IPO11: variants seen among roughly 807,000 people sequenced by gnomAD.
The protein encoded by IPO11 is importin 11, also known as importin-11.
In IPO11, 66 loss-of-function variants were observed where a neutral mutation model predicts 143.2. That is an observed-to-expected ratio of 0.46 (90% CI 0.38 to 0.57). The LOEUF (loss-of-function observed/expected upper bound fraction) is 0.57, where lower values mean the gene tolerates loss of function less well. IPO11 is among the 20% of genes least tolerant of loss of function. The pLI, the probability that IPO11 is intolerant of heterozygous loss-of-function variation, is 0.00. For missense variants in IPO11, 1,026 were observed against 1,141.0 expected, an observed-to-expected ratio of 0.90 and a Z score of 1.45; for synonymous variants, 385 against 377.8, an observed-to-expected ratio of 1.02 and a Z score of -0.22.
At chr5:62,562,230 A>T (rs941605582) in intron 27 of IPO11, 4 of 151,880 alleles carry the variant, frequency 2.6e-5, no homozygotes, top group African/African-American at 4.8e-5. Context: ...CTGGGCCCCT[A>T]TTTTTTTGTA....
rs1227727656 is a variant in IPO11, at chr5:62,551,224, G to A, written c.2348G>A (p.Arg783Lys). 2 of 1,550,760 alleles carry A rather than the reference G, an allele frequency of 1.3e-6. No individual in the cohort carries two copies. Among genetic ancestry groups the A allele is most frequent in the South Asian group, 2.2e-5 (2 of 88,908 alleles). Reference protein sequence around the residue: ...YVFKGIIEGERYPVVMSTYLG... With the variant: ...YVFKGIIEGEKYPVVMSTYLG... ...ATGTGTTGTATTTTAATTGTACAGA[G>A]GTATCCTGTAGTGATGTCCACGTAT... The change falls in exon 26 of 30, where the codon AGG becomes AAG. Residue 783 changes from arginine (R) to lysine (K), a missense_variant and splice_region_variant. By Grantham distance (26) the Arg-to-Lys change is conservative (BLOSUM62 2). Around this residue, in one of 5 missense-constraint regions of IPO11, gnomAD observed 351 missense variants for 358.9 expected, o/e 0.98. Coordinates refer to ENST00000325324, the MANE Select transcript of IPO11 (RefSeq NM_016338.5).
At position 62,596,609 on chromosome 5, in the gene IPO11, A is replaced by C. The variant is rs1013906588; in HGVS notation, c.2678+4937A>C. The stretch of plus-strand genomic sequence containing the variant: ...TTTTATAAGGACTTTTTTCTCCTTC[A>C]CTCAATACATTGACCCACTGAACGG... On this transcript the variant is annotated intron_variant, in intron 28 of 29. Transcript: ENST00000325324. Among the ~76,000 whole-genome samples the C allele has an allele frequency of 3.3e-5, 5 of 152,276 alleles. No individual in the cohort carries two copies. The East Asian group carries it at 7.7e-4, about 24-fold the overall frequency.
chr5:62,419,982 C>G (rs1040715908), intron 1 of IPO11, among the ~76,000 whole-genome samples: 2 of 152,036 alleles, frequency 1.3e-5, no homozygotes, highest in African/African-American at 2.4e-5. Context: ...CCTCAGGTGA[C>G]AGAGATCGTA....
intron 5 of IPO11, among the ~76,000 whole-genome samples, chr5:62,462,964 G>A (rs549539873): frequency 2.6e-5 from 4 of 151,444 alleles, no homozygotes; most frequent in African/African-American, 7.3e-5. Flanking sequence ...TGGCTCTTAC[G>A]ACTAGTGAAT....
chr5:62,588,604 T>C (rs115379279), intron 27 of IPO11, among the ~76,000 whole-genome samples: 73 of 152,326 alleles, frequency 4.8e-4, no homozygotes, highest in African/African-American at 1.7e-3. Flanking sequence ...AACCCCATTC[T>C]CTACCTGACC....
intron 16 of IPO11, among the ~76,000 whole-genome samples, chr5:62,494,367 A>G (rs1279640579): frequency 6.6e-6 from 1 of 152,152 alleles, no homozygotes; most frequent in Non-Finnish European, 1.5e-5. Context: ...ATAATTTCTT[A>G]GAAAAAAAGG....
At chr5:62,456,282 C>T (rs111585000) in intron 5 of IPO11, among the ~76,000 whole-genome samples, 13,983 of 152,164 alleles carry the variant, frequency 0.092, 651 homozygotes, top group South Asian at 0.15. Context: ...GGATCACAGG[C>T]GTGAGCCACC....
chr5:62,482,897 T>C (rs973519668), intron 9 of IPO11, among the ~76,000 whole-genome samples: 14 of 152,128 alleles, frequency 9.2e-5, no homozygotes, highest in Non-Finnish European at 1.6e-4. Flanking sequence ...AAAGTTCTTA[T>C]TATCAGATAT....
chr5:62,482,071 A>G lies in IPO11; in HGVS notation c.829-1030A>G, dbSNP rs184108673. On this transcript the variant is annotated intron_variant, in intron 9 of 29. Coordinates refer to ENST00000325324, the MANE Select transcript of IPO11 (RefSeq NM_016338.5). ...ATTTCTTGTAGATTTTCTAGTTTATATGCTTAGAAGTGTTTACAGTGTTCT... is the reference window on the plus strand; with the variant it reads ...ATTTCTTGTAGATTTTCTAGTTTATGTGCTTAGAAGTGTTTACAGTGTTCT... Among the ~76,000 whole-genome samples, 115 of 152,140 alleles carry G rather than the reference A, an allele frequency of 7.6e-4. 1 individual carries two copies. Among genetic ancestry groups the G allele is most frequent in the Non-Finnish European group, 1.5e-3 (104 of 67,958 alleles).
At chr5:62,574,070 A>G (rs930000667) in intron 27 of IPO11, among the ~76,000 whole-genome samples, 2 of 152,244 alleles carry the variant, frequency 1.3e-5, no homozygotes, top group African/African-American at 2.4e-5. Flanking sequence ...TATTTGTTAT[A>G]TAAGTATTAT....
intron 26 of IPO11, among the ~76,000 whole-genome samples, chr5:62,553,287 A>G (rs1223794810): frequency 6.6e-6 from 1 of 151,482 alleles, no homozygotes; most frequent in South Asian, 2.1e-4. Context: ...AATGACAGGA[A>G]TTCATTCTTT....
chr5:62,536,065 A>G lies in IPO11; in HGVS notation c.2090-637A>G, dbSNP rs1742722707. Among the ~76,000 whole-genome samples, 3 of 152,192 alleles carry G rather than the reference A, an allele frequency of 2.0e-5. No individual in the cohort carries two copies. In the South Asian group the frequency reaches 6.2e-4, roughly 31 times the overall value. On this transcript the variant is annotated intron_variant, in intron 22 of 29. Transcript: ENST00000325324. The stretch of plus-strand genomic sequence containing the variant: ...GCTAAAAACGATATCCTTTTCTGAT[A>G]AAAACTGAAAGATTGAAAATATCTA...
intron 6 of IPO11, among the ~76,000 whole-genome samples, chr5:62,467,968 G>C (rs112148550): frequency 1.3e-5 from 2 of 151,936 alleles, no homozygotes; most frequent in African/African-American, 4.8e-5. Context: ...TTTTTGGACA[G>C]ACAGGGTCTT....
chr5:62,627,231 G>A lies in IPO11; in HGVS notation c.2841G>A (p.Met947Ile). The A allele has an allele frequency of 1.9e-6, 3 of 1,614,148 alleles. No individual in the cohort carries two copies. Among genetic ancestry groups the A allele is most frequent in the Non-Finnish European group, 2.5e-6 (3 of 1,180,012 alleles). Reference sequence around the variant, plus strand: ...AGAAGCTCAAGGCACAGCAGGAGATGCTAGGAGAACAAGGTTTCCAGTCCC... The same window carrying A: ...AGAAGCTCAAGGCACAGCAGGAGATACTAGGAGAACAAGGTTTCCAGTCCC... ...IYEKLKAQQE[M>I]LGEQGFQSLM... Residue 947 changes from methionine (M) to isoleucine (I), a missense_variant, in exon 30 of 30, where the codon ATG becomes ATA. Physicochemically the swap from Met to Ile is conservative, Grantham distance 10. Around this residue, in one of 5 missense-constraint regions of IPO11, gnomAD observed 351 missense variants for 358.9 expected, o/e 0.98. Coordinates refer to ENST00000325324, the MANE Select transcript of IPO11 (RefSeq NM_016338.5).
intron 5 of IPO11, among the ~76,000 whole-genome samples, chr5:62,460,382 AC>A (rs1454395568): frequency 1.3e-5 from 2 of 152,184 alleles, no homozygotes; most frequent in Non-Finnish European, 2.9e-5. Context: ...TCTGCCTCCT[AC>A]ATTTGTTGAT....
intron 27 of IPO11, among the ~76,000 whole-genome samples, chr5:62,567,649 G>A (rs1340940649): frequency 3.1e-5 from 4 of 130,136 alleles, no homozygotes; most frequent in African/African-American, 5.9e-5. Flanking sequence ...TGCAACCTCC[G>A]CCGCCTGGGT....
chr5:62,549,094 T>G (rs200442382), intron 24 of IPO11, among the ~76,000 whole-genome samples: 5 of 39,888 alleles, frequency 1.3e-4, no homozygotes, highest in Non-Finnish European at 2.3e-4. Flanking sequence ...TGTGTTTTTG[T>G]TTTTTGTTTT....
chr5:62,464,348 C>T (rs1051296245), intron 5 of IPO11, among the ~76,000 whole-genome samples: 11 of 151,398 alleles, frequency 7.3e-5, no homozygotes, highest in African/African-American at 2.7e-4. Flanking sequence ...ACGATGTTGG[C>T]CAGGATGGTC....
intron 22 of IPO11, among the ~76,000 whole-genome samples, chr5:62,534,612 C>T (rs6881888): frequency 0.58 from 88,875 of 151,948 alleles, 26,263 homozygotes; most frequent in South Asian, 0.68. Context: ...TAGAAGTCTA[C>T]GAAAAGAAAA....
Sources: gnomAD v4.1 joint callset for allele counts (sites outside exome capture counted in the v4.1 genomes callset) on GRCh38, gnomAD v4.1.1 for gene constraint, gnomAD v4.1.1 regional missense constraint, MANE v1.5 for transcripts, NCBI Gene and HGNC (gene_info 2026-07-23, HGNC 2026-07-21) for gene names.